The following HSH2D variants were observed in gnomAD, a reference collection of about 807,000 sequenced individuals.
HSH2D encodes the protein hematopoietic SH2 domain-containing protein.
In HSH2D, 16 loss-of-function variants were observed where a neutral mutation model predicts 21.5. That is an observed-to-expected ratio of 0.74 (90% CI 0.50 to 1.13). The LOEUF (loss-of-function observed/expected upper bound fraction) is 1.13. Among genes scored for constraint, HSH2D ranks in the 50% most tolerant of loss-of-function variants. The pLI, the probability that HSH2D is intolerant of heterozygous loss-of-function variation, is 0.00. For synonymous variants in HSH2D, 172 were observed against 184.7 expected (o/e 0.93, Z 0.56); for missense variants, 418 against 441.4 (o/e 0.95, Z 0.47).
At position 16,153,173 on chromosome 19, in the gene HSH2D, C is replaced by G. The variant is rs868213276; in HGVS notation, c.346C>G (p.Pro116Ala). The change falls in exon 4 of 6, where the codon CCG becomes GCG. Residue 116 changes from proline to alanine, a missense_variant. By Grantham distance (27) the Pro-to-Ala change is conservative. Coordinates refer to ENST00000613986, the MANE Select transcript of HSH2D (RefSeq NM_001382417.1). ...CTTCCACCAGCAGAAGCCAATTGAG[C>G]CGCGCAGGGAGCTGCTGACACAGCC... The part of the protein sequence containing the change: ...VTFHQQKPIE[P>A]RRELLTQPCR... The G allele has an allele frequency of 6.4e-7, 1 of 1,566,280 alleles. No individual in the cohort carries two copies. Among genetic ancestry groups the G allele is most frequent in the East Asian group, 2.4e-5 (1 of 42,410 alleles).
upstream of HSH2D, among the ~76,000 whole-genome samples, chr19:16,141,413 GT>G (rs1354362671): frequency 2.0e-5 from 3 of 152,320 alleles, no homozygotes; most frequent in East Asian, 5.8e-4. Flanking sequence ...GGAGGAAGTA[GT>G]TTTGTTTGTC....
At chr19:16,143,645 G>A (rs1436928768), upstream of HSH2D, 1 of 399,784 alleles carries the variant, frequency 2.5e-6, no homozygotes, top group Non-Finnish European at 5.1e-6. Flanking sequence ...TCACCTGCTT[G>A]AGGAAACAGG....
chr19:16,139,153 C>T (rs990320871), upstream of HSH2D, among the ~76,000 whole-genome samples: 6 of 152,244 alleles, frequency 3.9e-5, no homozygotes, highest in Non-Finnish European at 7.3e-5. Context: ...CCACAGCACC[C>T]GGCCCGATCT....
chr19:16,158,163 G>A lies in HSH2D; in HGVS notation c.*369G>A. ...GGCGTGACCAAGGCCACAGAGCTAT[G>A]GGTGTCAGCACCAGGATTTGAAGCC... On this transcript the variant is annotated 3_prime_UTR_variant, in exon 6 of 6. Transcript: ENST00000613986. 5.3e-6 allele frequency: 1 copy of A among 187,784 alleles called. No individual in the cohort carries two copies. The highest frequency in any genetic ancestry group is 1.1e-5 in the Non-Finnish European group (1 of 91,684). The allele number at this position is 187,784 out of a possible 1,614,324, so 11.6% of individuals were successfully genotyped here. A position where few individuals can be genotyped will look rare whatever the true frequency, so the allele number is the denominator to read the frequency against.
chr19:16,156,378 C>G (rs139205843), intron 5 of HSH2D, among the ~76,000 whole-genome samples: 1 of 151,726 alleles, frequency 6.6e-6, no homozygotes, highest in South Asian at 2.1e-4. Flanking sequence ...GAGATGGGGT[C>G]TCACTACATT....
At position 16,152,702 on chromosome 19, in the gene HSH2D, G is replaced by T. The variant is rs557515540; in HGVS notation, c.215+61G>T. 3 of 1,227,966 alleles carry T rather than the reference G, an allele frequency of 2.4e-6. No individual in the cohort carries two copies. The African/African-American group carries it at 4.5e-5, about 18-fold the overall frequency. The allele number at this position is 1,227,966 out of a possible 1,614,324, so 76.1% of individuals were successfully genotyped here. A position where few individuals can be genotyped will look rare whatever the true frequency, so the allele number is the denominator to read the frequency against. ...TGGGCTCTTGGGTTTCCTTGGAGGG[G>T]GCAAGGGGTGCTTCATGTCATAGCT... On this transcript the variant is annotated intron_variant, in intron 3 of 5. Transcript: ENST00000613986.
upstream of HSH2D, among the ~76,000 whole-genome samples, chr19:16,138,925 C>T (rs141404598): frequency 1.3e-3 from 190 of 151,854 alleles, no homozygotes; most frequent in Non-Finnish European, 2.1e-3. Flanking sequence ...GTGGCATGAT[C>T]TCAGCTCACT....
intron 1 of HSH2D, among the ~76,000 whole-genome samples, chr19:16,146,225 C>T (rs987187430): frequency 2.0e-5 from 3 of 152,152 alleles, no homozygotes; most frequent in African/African-American, 7.2e-5. Context: ...GTCATTGGTA[C>T]ACAAAGTCCC....
chr19:16,152,417 CAAAA>C (rs377547783), intron 2 of HSH2D, 131 bp from the exon 3 acceptor site: 44 of 366,570 alleles, frequency 1.2e-4, no homozygotes, highest in East Asian at 2.2e-4. Flanking sequence ...GACTCTGTCT[CAAAA>C]AAAAAAAAAA....
At chr19:16,140,535 G>A (rs1263659265), upstream of HSH2D, among the ~76,000 whole-genome samples, 1 of 151,880 alleles carries the variant, frequency 6.6e-6, no homozygotes, top group Non-Finnish European at 1.5e-5. Flanking sequence ...AACCCGGGAG[G>A]TGGAGGTTGC....
Position 16,148,705 on chromosome 19 carries a change from C to G in HSH2D, c.-27-19C>G. Reference sequence around the variant, plus strand: ...GTGCATCAAGCTTGATTCTTGTCTTCCCTCCCTTCTCTACCCAGGTGACCT... The same window carrying G: ...GTGCATCAAGCTTGATTCTTGTCTTGCCTCCCTTCTCTACCCAGGTGACCT... On this transcript the variant is annotated intron_variant, in intron 1 of 5. Transcript: ENST00000613986. 6.2e-7 allele frequency: 1 copy of G among 1,612,176 alleles called. No individual in the cohort carries two copies. The highest frequency in any genetic ancestry group is 8.5e-7 in the Non-Finnish European group (1 of 1,178,700).
chr19:16,154,734 C>G (rs2091216188), intron 5 of HSH2D: 2 of 369,032 alleles, frequency 5.4e-6, no homozygotes, highest in South Asian at 5.8e-5. Flanking sequence ...TGTTCAGACA[C>G]ACCAAGCTAG....
rs149670242 is a variant in HSH2D, at chr19:16,137,612, T to C, written c.-324+3377T>C. Among the ~76,000 whole-genome samples, 267 of 151,288 alleles carry C rather than the reference T, an allele frequency of 1.8e-3. 1 individual carries two copies. Among genetic ancestry groups the C allele is most frequent in the African/African-American group, 6.3e-3 (259 of 41,320 alleles). ...AAAAAGAAAAAAAGAAGCAGGGTCT[T>C]GCTCTGTTGCCCAGGCTGGAGTGCA... On this transcript the variant is annotated intron_variant, in intron 1 of 7. Coordinates refer to the HSH2D transcript ENST00000616645.
upstream of HSH2D, among the ~76,000 whole-genome samples, chr19:16,138,849 GA>G (rs1055904062): frequency 9.3e-5 from 14 of 151,030 alleles, no homozygotes; most frequent in Admixed American, 1.3e-4. Flanking sequence ...GAAGGGTGGG[GA>G]CCATGCCAAT....
rs879410378 is a variant in HSH2D at position 16,150,539 on chromosome 19, C to CA, written c.125+1677dup. ...GAGCAACAAGAGTAAAACTCCGTCT[C>CA]AAAAAAAAAAAAATTAACTGGGCAC... On this transcript the variant is annotated intron_variant, in intron 2 of 5. Coordinates refer to ENST00000613986, the MANE Select transcript of HSH2D (RefSeq NM_001382417.1). Among the ~76,000 whole-genome samples the CA allele has an allele frequency of 6.8e-3, 934 of 137,782 alleles. 8 individuals are homozygous for CA. The highest frequency in any genetic ancestry group is 0.022 in the African/African-American group (836 of 37,700). 90.4% of individuals were successfully genotyped at this position (137,782 alleles called of 152,430 possible).
At chr19:16,155,619 C>CT (rs35262744) in intron 5 of HSH2D, 2,792 of 114,128 alleles carry the variant, frequency 0.024, 124 homozygotes, top group African/African-American at 0.084. Context: ...CATGGGAGGA[C>CT]TTTTTTTTTT....
upstream of HSH2D, among the ~76,000 whole-genome samples, chr19:16,141,349 A>G (rs1422743077): frequency 2.6e-5 from 4 of 152,218 alleles, no homozygotes; most frequent in Non-Finnish European, 5.9e-5. Flanking sequence ...CCAGGGCAAT[A>G]GGCCCTTGGG....
intron 5 of HSH2D, chr19:16,154,706 T>G: frequency 2.3e-6 from 1 of 434,046 alleles, no homozygotes; most frequent in African/African-American, 2.0e-5. Flanking sequence ...GCGCCAGCCC[T>G]GCTGCCATAC....
chr19:16,141,708 GAGGTC>G (rs2091001263), upstream of HSH2D, among the ~76,000 whole-genome samples: 2 of 152,146 alleles, frequency 1.3e-5, no homozygotes, highest in South Asian at 4.1e-4. Flanking sequence ...TGGATCACCT[GAGGTC>G]AGGAGTTTGA....
Sources: allele counts gnomAD v4.1 joint callset (sites outside exome capture counted in the v4.1 genomes callset), GRCh38; gene constraint gnomAD v4.1.1; transcripts MANE v1.5; gene names NCBI Gene and HGNC (gene_info 2026-07-23, HGNC 2026-07-21).